Variants in FARSB observed in about 807,000 individuals in gnomAD.
FARSB encodes phenylalanyl-tRNA synthetase subunit beta.
In FARSB, 40 loss-of-function variants were observed where a neutral mutation model predicts 69.6. The observed-to-expected ratio is 0.57, with a 90% CI of 0.45 to 0.75. FARSB has a LOEUF of 0.75. Among genes scored for constraint, FARSB ranks in the 30% least tolerant of loss-of-function variants. The probability of loss-of-function intolerance (pLI) is 0.00; values close to 1 mark genes in which losing one functional copy is unlikely to be tolerated. For synonymous variants in FARSB, 235 were observed against 247.2 expected, an observed-to-expected ratio of 0.95 and a Z score of 0.46; for missense variants, 632 against 722.9, an observed-to-expected ratio of 0.87 and a Z score of 1.44.
intron 5 of FARSB, among the ~76,000 whole-genome samples, chr2:222,639,017 T>C (rs565253452): frequency 1.3e-5 from 2 of 152,328 alleles, no homozygotes; most frequent in South Asian, 2.1e-4. Context: ...TCAGAAATTA[T>C]ACAGGTGTGA....
intron 12 of FARSB, 83 bp downstream of exon 12, chr2:222,624,189 C>A: frequency 2.2e-6 from 2 of 895,442 alleles, no homozygotes; most frequent in Non-Finnish European, 3.7e-6. Flanking sequence ...TTGATTCCTA[C>A]GTTCTGTTTT....
intron 16 of FARSB, among the ~76,000 whole-genome samples, chr2:222,589,476 CCAAAAG>C (rs1388656153): frequency 1.3e-5 from 2 of 151,894 alleles, no homozygotes; most frequent in African/African-American, 4.9e-5. Context: ...GACTAAAACA[CCAAAAG>C]CAATGGCAAC....
At chr2:222,637,053 T>C (rs1691600306) in intron 5 of FARSB, among the ~76,000 whole-genome samples, 1 of 151,920 alleles carries the variant, frequency 6.6e-6, no homozygotes, top group Non-Finnish European at 1.5e-5. Flanking sequence ...GAAGGAACTA[T>C]TTTTTTTAAA....
At chr2:222,649,257 AAAG>A (rs1691962058) in intron 1 of FARSB, among the ~76,000 whole-genome samples, 2 of 150,602 alleles carry the variant, frequency 1.3e-5, no homozygotes, top group African/African-American at 4.9e-5. Flanking sequence ...AAAAAAAAAA[AAAG>A]CTGGGCCAAA....
At chr2:222,592,877 A>G (rs1007557456) in intron 16 of FARSB, among the ~76,000 whole-genome samples, 1 of 151,722 alleles carries the variant, frequency 6.6e-6, no homozygotes, top group East Asian at 1.9e-4. Flanking sequence ...TAACTTGTGC[A>G]CTCTTCTGAG....
chr2:222,625,568 A>G (rs572096750), intron 10 of FARSB, among the ~76,000 whole-genome samples: 1 of 152,322 alleles, frequency 6.6e-6, no homozygotes, highest in Non-Finnish European at 1.5e-5. Flanking sequence ...AGCTAGTGGC[A>G]GTGACACCAG....
In FARSB at chr2:222,571,794, T is replaced by G; in HGVS notation, c.*77A>C. On this transcript the variant is annotated 3_prime_UTR_variant, in exon 17 of 17. Coordinates refer to ENST00000281828, the MANE Select transcript of FARSB (RefSeq NM_005687.5). Reference sequence around the variant, plus strand: ...CATCAAAGCCCAAATAGATGTTCCCTGTGGAGGAGGACTTAAGGACACTAG... The same window carrying G: ...CATCAAAGCCCAAATAGATGTTCCCGGTGGAGGAGGACTTAAGGACACTAG... 8.0e-7 allele frequency: 1 copy of G among 1,248,280 alleles called. No individual in the cohort carries two copies. The highest frequency in any genetic ancestry group is 1.1e-6 in the Non-Finnish European group (1 of 887,334). 77.3% of individuals were successfully genotyped at this position (1,248,280 alleles called of 1,614,324 possible).
At position 222,639,593 on chromosome 2, in the gene FARSB, G is replaced by C. The variant is rs146902533; in HGVS notation, c.442C>G (p.Gln148Glu). 1.3e-4 allele frequency: 196 copies of C among 1,549,588 alleles called. No homozygotes were observed. Among genetic ancestry groups the C allele is most frequent in the Non-Finnish European group, 1.7e-4 (189 of 1,131,046 alleles). The change falls in exon 5 of 17, where the codon CAG (glutamine) becomes GAG (glutamate). Residue 148 changes from glutamine (Q) to glutamate (E), a missense_variant. Transcript: ENST00000281828. ...GCAACCACAAACCTGCAAATATTCT[G>C]ATGTAATTTCTCCTGAAGTTCAATG... ...SFIELQEKLH[Q>E]NICRKRALVA...
At chr2:222,574,531 T>C (rs1689789270) in intron 16 of FARSB, among the ~76,000 whole-genome samples, 1 of 152,160 alleles carries the variant, frequency 6.6e-6, no homozygotes, top group South Asian at 2.1e-4. Context: ...AGGAGCCTGC[T>C]GCCCTCTTGT....
Position 222,599,994 on chromosome 2 carries a change from T to A in FARSB, c.1552A>T (p.Ile518Phe). ...FEIIHGLLDR[I>F]MQLLDVPPGE... ...GGAGGCACATCGAGCAACTGCATAA[T>A]TCTGTCCAGCAGCCCATGAATGATC... The change falls in exon 16 of 17, where the codon ATT (isoleucine) becomes TTT (phenylalanine). Residue 518 changes from isoleucine to phenylalanine, a missense_variant. Coordinates refer to ENST00000281828, the MANE Select transcript of FARSB (RefSeq NM_005687.5). 6.2e-7 allele frequency: 1 copy of A among 1,612,554 alleles called. No homozygotes were observed. Among genetic ancestry groups the A allele is most frequent in the Non-Finnish European group, 8.5e-7 (1 of 1,179,580 alleles).
At chr2:222,591,542 A>C (rs1690276567) in intron 16 of FARSB, among the ~76,000 whole-genome samples, 2 of 152,226 alleles carry the variant, frequency 1.3e-5, no homozygotes, top group Non-Finnish European at 2.9e-5. Flanking sequence ...AAGAAAAGCA[A>C]GTGAAAGTAA....
At chr2:222,629,850 C>A (rs1691371593) in intron 9 of FARSB, among the ~76,000 whole-genome samples, 1 of 152,200 alleles carries the variant, frequency 6.6e-6, no homozygotes, top group South Asian at 2.1e-4. Flanking sequence ...AAGCAATCCT[C>A]CTGCCTCAGT....
intron 16 of FARSB, among the ~76,000 whole-genome samples, chr2:222,599,524 T>C (rs562672444): frequency 6.6e-6 from 1 of 152,318 alleles, no homozygotes; most frequent in East Asian, 1.9e-4. Flanking sequence ...TTTGTTTTCT[T>C]TTTTCTTTTG....
chr2:222,612,120 A>G (rs376327082), intron 15 of FARSB, among the ~76,000 whole-genome samples: 1 of 152,384 alleles, frequency 6.6e-6, no homozygotes, highest in South Asian at 2.1e-4. Context: ...ATGGAATTAT[A>G]TCAAATTCTC....
intron 16 of FARSB, among the ~76,000 whole-genome samples, chr2:222,590,079 G>A (rs1282290226): frequency 3.3e-5 from 5 of 151,996 alleles, no homozygotes; most frequent in East Asian, 1.9e-4. Flanking sequence ...TGTTTATTGC[G>A]GCACTATTCA....
Position 222,621,550 on chromosome 2 carries a change from T to C in FARSB, c.1252-1813A>G, listed in dbSNP as rs1007753810. 2.6e-5 allele frequency among the ~76,000 whole-genome samples: 4 copies of C among 152,362 alleles called. No homozygotes were observed. The East Asian group carries it at 7.7e-4, about 29-fold the overall frequency. ...AACTTTTTTAATGTTAATATTTATG[T>C]GTTTATTTTAATGTGTTAGAAAAAT... On this transcript the variant is annotated intron_variant, in intron 13 of 16. Transcript: ENST00000281828.
intron 16 of FARSB, among the ~76,000 whole-genome samples, chr2:222,576,148 T>A (rs1689834389): frequency 6.6e-6 from 1 of 152,100 alleles, no homozygotes; most frequent in Non-Finnish European, 1.5e-5. Flanking sequence ...ACCTTCTTAA[T>A]CAGGGTCTTA....
At chr2:222,576,035 C>G (rs1384616389) in intron 16 of FARSB, among the ~76,000 whole-genome samples, 5 of 150,800 alleles carry the variant, frequency 3.3e-5, no homozygotes, top group Non-Finnish European at 7.4e-5. Context: ...AAGCTTTACA[C>G]GTAGAGTCAT....
At chr2:222,627,363 C>A (rs915593571) in intron 10 of FARSB, among the ~76,000 whole-genome samples, 5 of 152,198 alleles carry the variant, frequency 3.3e-5, no homozygotes, top group Non-Finnish European at 5.9e-5. Flanking sequence ...AAAGCCCAAG[C>A]TAGCCTGCTA....
Sources: allele counts gnomAD v4.1 joint callset (sites outside exome capture counted in the v4.1 genomes callset), GRCh38; gene constraint gnomAD v4.1.1; transcripts MANE v1.5; gene names NCBI Gene and HGNC (gene_info 2026-07-23, HGNC 2026-07-21).